The following EZH2 variants were observed in gnomAD, a reference collection of about 807,000 sequenced individuals.
EZH2 encodes the protein enhancer of zeste 2 polycomb repressive complex 2 subunit, also known as histone-lysine N-methyltransferase EZH2.
A neutral mutation model predicts 98.4 loss-of-function variants in EZH2; 18 were observed. That is an observed-to-expected ratio of 0.18 (90% CI 0.13 to 0.27). The LOEUF is 0.27. EZH2 is among the 10% of genes least tolerant of loss of function. The pLI is 1.00. For missense variants in EZH2, 470 were observed against 935.1 expected, an observed-to-expected ratio of 0.50 and a Z score of 6.49; for synonymous variants, 338 against 312.3, an observed-to-expected ratio of 1.08 and a Z score of -0.87.
At chr7:148,877,838 T>C (rs943979872) in intron 1 of EZH2, among the ~76,000 whole-genome samples, 1 of 152,228 alleles carries the variant, frequency 6.6e-6, no homozygotes, top group Non-Finnish European at 1.5e-5. Flanking sequence ...AATAAACTCA[T>C]TCTTCTCGGA....
chr7:148,862,323 T>C (rs1375563096), intron 1 of EZH2, among the ~76,000 whole-genome samples: 1 of 152,228 alleles, frequency 6.6e-6, no homozygotes, highest in Non-Finnish European at 1.5e-5. Context: ...ACGCAGATTT[T>C]CCAGAAGTTG....
chr7:148,827,295 A>C (rs753728637), intron 6 of EZH2, 29 bp from the exon 7 acceptor site: 1 of 1,539,236 alleles, frequency 6.5e-7, no homozygotes, highest in East Asian at 2.2e-5. Flanking sequence ...AAGGAAAAAA[A>C]GAATGGAAGT....
At chr7:148,881,976 A>G (rs200196768) in intron 1 of EZH2, among the ~76,000 whole-genome samples, 3,463 of 20,344 alleles carry the variant, frequency 0.17, 104 homozygotes, top group African/African-American at 0.35. Flanking sequence ...GCGCGCGCAC[A>G]CACACACACA....
chr7:148,825,125 A>C (rs1807318423), intron 8 of EZH2, among the ~76,000 whole-genome samples: 1 of 152,252 alleles, frequency 6.6e-6, no homozygotes, highest in Non-Finnish European at 1.5e-5. Context: ...AGCGACTCCA[A>C]AATAGTGCTT....
In EZH2 at chr7:148,817,320, T is replaced by A; in HGVS notation, c.1312A>T (p.Ser438Cys). ...CTAAACATTGAGGCTTCAGCACCAC[T>A]CCACTCCACATTCTCAGGAGGTTCA... Reference protein sequence around the residue: ...NIEPPENVEWSGAEASMFRVL... With the variant: ...NIEPPENVEWCGAEASMFRVL... The change falls in exon 11 of 20, where the codon AGT (serine) becomes TGT (cysteine). Residue 438 changes from serine (S) to cysteine (C), a missense_variant. Ser to Cys is a moderately radical substitution (Grantham distance 112, BLOSUM62 -1). This residue lies in a region of EZH2 where 192 missense variants were observed against 306.8 expected (regional missense o/e 0.63). Coordinates refer to ENST00000320356, the MANE Select transcript of EZH2 (RefSeq NM_004456.5). 1 of 1,613,916 alleles carries A rather than the reference T, an allele frequency of 6.2e-7. No homozygotes were observed.
intron 3 of EZH2, among the ~76,000 whole-genome samples, chr7:148,839,100 GGAAGGAA>G (rs1343759320): frequency 1.7e-4 from 25 of 148,646 alleles, no homozygotes; most frequent in Middle Eastern, 3.5e-3. Flanking sequence ...AAGGAAGGAA[GGAAGGAA>G]AGTGAGTGAG....
In EZH2 at chr7:148,827,384, A is replaced by G. The variant is rs115691097; in HGVS notation, c.626-118T>C. The G allele has an allele frequency of 3.8e-3, 2,746 of 727,718 alleles. 44 individuals are homozygous for G. The African/African-American group carries it at 0.042, about 11-fold the overall frequency. 45.1% of individuals were successfully genotyped at this position (727,718 alleles called of 1,614,324 possible). ...GCTGATTTTCTAAGAAATCATCTCT[A>G]TTTTGTGTTTTACTTACTTCTCACA... On this transcript the variant is annotated intron_variant, in intron 6 of 19. Transcript: ENST00000320356.
rs7779783 is a variant in EZH2, at chr7:148,826,370, A to T, written c.907+84T>A. On this transcript the variant is annotated intron_variant, in intron 8 of 19. Transcript: ENST00000320356. ...CAAAGTAACTACAAGATTAAATGAT[A>T]AATTCTAGTTGTAATAAATGATAGC... The T allele has an allele frequency of 2.9e-3, 3,024 of 1,053,518 alleles. 52 individuals are homozygous for T. In the African/African-American group the frequency reaches 0.043, roughly 15 times the overall value. The allele number at this position is 1,053,518 out of a possible 1,614,324, so 65.3% of individuals were successfully genotyped here. A position where few individuals can be genotyped will look rare whatever the true frequency, so the allele number is the denominator to read the frequency against.
chr7:148,808,518 A>G (rs1486808513), intron 19 of EZH2, among the ~76,000 whole-genome samples: 3 of 152,254 alleles, frequency 2.0e-5, no homozygotes, highest in African/African-American at 7.2e-5. Context: ...GTCAACTGGC[A>G]GCCTAATGCC....
intron 19 of EZH2, among the ~76,000 whole-genome samples, chr7:148,808,405 A>G (rs1802094185): frequency 6.6e-6 from 1 of 152,226 alleles, no homozygotes; most frequent in Admixed American, 6.5e-5. Context: ...TCTGGATGGG[A>G]TGTACACGGG....
chr7:148,859,389 C>T (rs1016690406), intron 1 of EZH2, among the ~76,000 whole-genome samples: 1 of 152,004 alleles, frequency 6.6e-6, no homozygotes, highest in Non-Finnish European at 1.5e-5. Flanking sequence ...ACCTGTAGTC[C>T]CGGCTACTAA....
rs1047840077 is a variant in EZH2 at position 148,868,701 on chromosome 7, T to C, written c.-8+15463A>G. On this transcript the variant is annotated intron_variant, in intron 1 of 19. Transcript: ENST00000320356. ...CTATAGCCTCTAGGGTAGAAAAACATGACTTTTTTTTTGGTAGTCTAGATT... is the reference window on the plus strand; with the variant it reads ...CTATAGCCTCTAGGGTAGAAAAACACGACTTTTTTTTTGGTAGTCTAGATT... Among the ~76,000 whole-genome samples, 12 of 152,188 alleles carry C rather than the reference T, an allele frequency of 7.9e-5. 1 individual carries two copies. The highest frequency in any genetic ancestry group is 1.8e-4 in the Non-Finnish European group (12 of 68,042).
chr7:148,877,685 C>T (rs958426453), intron 1 of EZH2, among the ~76,000 whole-genome samples: 1 of 152,148 alleles, frequency 6.6e-6, no homozygotes, highest in Non-Finnish European at 1.5e-5. Context: ...CTCTACTCTC[C>T]TCCCCTCTCA....
chr7:148,859,048 A>G (rs559242245), intron 1 of EZH2, among the ~76,000 whole-genome samples: 37 of 152,380 alleles, frequency 2.4e-4, no homozygotes, highest in African/African-American at 8.7e-4. Context: ...TTGAGTTTGC[A>G]GTTGAATAAA....
chr7:148,807,831 A>AC, intron 19 of EZH2, 125 bp from the exon 20 acceptor site: 2 of 665,376 alleles, frequency 3.0e-6, no homozygotes, highest in Admixed American at 2.9e-5. Flanking sequence ...AAAAAAAAAA[A>AC]AAAAACCCAT....
chr7:148,818,740 T>C (rs1805241503), intron 9 of EZH2, among the ~76,000 whole-genome samples: 1 of 152,192 alleles, frequency 6.6e-6, no homozygotes, highest in South Asian at 2.1e-4. Flanking sequence ...GGTTACATCT[T>C]GCATTATGAA....
At chr7:148,848,096 A>T (rs992002152) in intron 1 of EZH2, among the ~76,000 whole-genome samples, 5 of 152,198 alleles carry the variant, frequency 3.3e-5, no homozygotes, top group African/African-American at 1.2e-4. Flanking sequence ...ATTTTCTCCT[A>T]AAGTATTAAA....
At chr7:148,860,968 T>C (rs531974297) in intron 1 of EZH2, among the ~76,000 whole-genome samples, 2 of 151,726 alleles carry the variant, frequency 1.3e-5, no homozygotes, top group African/African-American at 4.8e-5. Flanking sequence ...CCACTACACC[T>C]GGCCTGTTTT....
Position 148,817,773 on chromosome 7 carries a change from GA to G in EZH2, c.1240+103del, listed in dbSNP as rs1804960147. The G allele has an allele frequency of 2.0e-6, 3 of 1,488,364 alleles. No individual in the cohort carries two copies. In the East Asian group the frequency reaches 6.8e-5, roughly 34 times the overall value. 92.2% of individuals were successfully genotyped at this position (1,488,364 alleles called of 1,614,324 possible). A position where few individuals can be genotyped will look rare whatever the true frequency, so the allele number is the denominator to read the frequency against. On this transcript the variant is annotated intron_variant, in intron 10 of 19. Coordinates refer to ENST00000320356, the MANE Select transcript of EZH2 (RefSeq NM_004456.5). ...TTGAGATAACTCTGGTCTTTATACTGAAACTAACCAACTAAGAAAATTATTC... is the reference window on the plus strand; with the variant it reads ...TTGAGATAACTCTGGTCTTTATACTGAACTAACCAACTAAGAAAATTATTC...
Sources: gnomAD v4.1 joint callset for allele counts (sites outside exome capture counted in the v4.1 genomes callset) on GRCh38, gnomAD v4.1.1 for gene constraint, gnomAD v4.1.1 regional missense constraint, MANE v1.5 for transcripts, NCBI Gene and HGNC (gene_info 2026-07-23, HGNC 2026-07-21) for gene names.